PHF20L1: variants seen among roughly 807,000 people sequenced by gnomAD.
PHF20L1 encodes PHD finger protein 20 like 1.
Under a neutral mutation model 125.5 loss-of-function variants are expected in PHF20L1, and 44 were observed. The ratio of observed to expected loss-of-function variants is 0.35; its 90% CI spans 0.28 to 0.45. PHF20L1 has a LOEUF of 0.45. PHF20L1 is among the 20% of genes least tolerant of loss of function. The probability of loss-of-function intolerance (pLI) is 1.00; values close to 1 mark genes in which losing one functional copy is unlikely to be tolerated. For missense variants in PHF20L1, 1,012 were observed against 1,217.2 expected, an observed-to-expected ratio of 0.83 and a Z score of 2.51; for synonymous variants, 380 against 403.1, an observed-to-expected ratio of 0.94 and a Z score of 0.69.
chr8:132,820,183 TG>T (rs1433590896), intron 12 of PHF20L1, among the ~76,000 whole-genome samples: 1 of 151,922 alleles, frequency 6.6e-6, no homozygotes, highest in East Asian at 1.9e-4. Flanking sequence ...TTGATGCCTT[TG>T]TTTTTATTTT....
At chr8:132,813,163 G>A in intron 9 of PHF20L1, 1 of 958,008 alleles carries the variant, frequency 1.0e-6, no homozygotes, top group Non-Finnish European at 1.2e-6. Flanking sequence ...CATATGTGAA[G>A]ATGAACAATA....
chr8:132,825,239 T>C (rs1473149987), intron 13 of PHF20L1, 25 bp from the exon 14 acceptor site: 3 of 1,593,070 alleles, frequency 1.9e-6, no homozygotes, highest in Admixed American at 1.7e-5. Flanking sequence ...TCGTGATTGC[T>C]AAAGTATTCA....
At chr8:132,804,470 G>T (rs1833451962) in intron 7 of PHF20L1, 145 bp from the exon 8 acceptor site, 1 of 540,160 alleles carries the variant, frequency 1.9e-6, no homozygotes. Context: ...AGTCTGGAGG[G>T]ATTTGTGTTT....
chr8:132,803,124 C>T (rs1833282344), intron 6 of PHF20L1, among the ~76,000 whole-genome samples: 1 of 151,614 alleles, frequency 6.6e-6, no homozygotes, highest in Non-Finnish European at 1.5e-5. Flanking sequence ...ATTTGTACCT[C>T]AGAAGAATGG....
At chr8:132,817,579 G>C in intron 12 of PHF20L1, 34 bp downstream of exon 12, 1 of 1,456,580 alleles carries the variant, frequency 6.9e-7, no homozygotes, top group South Asian at 1.2e-5. Flanking sequence ...CCTATAAGTA[G>C]ATAAGTAGCT....
At chr8:132,809,853 C>T (rs561497473) in intron 8 of PHF20L1, 1 of 152,154 alleles carries the variant, frequency 6.6e-6, no homozygotes. Context: ...TGAAATGACA[C>T]AGAAATGAAT....
intron 2 of PHF20L1, among the ~76,000 whole-genome samples, chr8:132,793,416 A>C (rs551415563): frequency 2.6e-5 from 4 of 152,314 alleles, no homozygotes; most frequent in African/African-American, 9.6e-5. Flanking sequence ...CTACATTTCA[A>C]AGTTATATAA....
At chr8:132,837,650 C>T in intron 16 of PHF20L1, 62 bp from the exon 17 acceptor site, 1 of 1,308,052 alleles carries the variant, frequency 7.6e-7, no homozygotes, top group Non-Finnish European at 1.1e-6. Context: ...GGCATGTATC[C>T]TTATTCCTAG....
At chr8:132,799,246 T>A (rs1443566524) in intron 6 of PHF20L1, 74 bp downstream of exon 6, 1 of 800,004 alleles carries the variant, frequency 1.2e-6, no homozygotes, top group African/African-American at 1.8e-5. Context: ...TTAAAAATTT[T>A]TAATATAAAA....
intron 19 of PHF20L1, chr8:132,843,854 A>G: frequency 3.0e-6 from 3 of 984,982 alleles, no homozygotes; most frequent in Non-Finnish European, 3.6e-6. Flanking sequence ...AGTCTAAATT[A>G]ATCAGGAATT....
intron 15 of PHF20L1, among the ~76,000 whole-genome samples, chr8:132,833,860 T>C (rs1837051828): frequency 6.6e-6 from 1 of 152,062 alleles, no homozygotes; most frequent in African/African-American, 2.4e-5. Flanking sequence ...GGCCAGAAAT[T>C]CTCAATGTTA....
Position 132,823,700 on chromosome 8 carries a change from T to TA in PHF20L1, c.1580-302dup, listed in dbSNP as rs150784645. ...TACAGACTTATTCCTGTTTGACAGA[T>TA]AAGGAAACAGAAGCACAGAGGCATT... On this transcript the variant is annotated intron_variant, in intron 12 of 20. Coordinates refer to ENST00000395386, the MANE Select transcript of PHF20L1 (RefSeq NM_016018.5). Among the ~76,000 whole-genome samples the TA allele has an allele frequency of 8.1e-3, 1,234 of 152,022 alleles. 19 individuals are homozygous for TA. The highest frequency in any genetic ancestry group is 0.014 in the Non-Finnish European group (967 of 67,894).
chr8:132,810,049 C>T (rs1453534690), intron 8 of PHF20L1: 5 of 144,894 alleles, frequency 3.5e-5, no homozygotes, highest in Non-Finnish European at 3.0e-5. Flanking sequence ...AAAATACTGT[C>T]TTTTTTTTTT....
chr8:132,818,111 G>A (rs574287749), intron 12 of PHF20L1: 2 of 152,008 alleles, frequency 1.3e-5, no homozygotes, highest in East Asian at 3.9e-4. Context: ...TAGTTCGAAA[G>A]CATTTGGATG....
chr8:132,804,759 T>C lies in PHF20L1; in HGVS notation c.847+19T>C. ...ATTACTGGTAAACTACAATGATTTT[T>C]TTTTTGAGGGGGGGAAATGGAAGGT... On this transcript the variant is annotated intron_variant, in intron 8 of 20. Transcript: ENST00000395386. 6.3e-7 allele frequency: 1 copy of C among 1,575,388 alleles called. No homozygotes were observed. The highest frequency in any genetic ancestry group is 1.2e-5 in the South Asian group (1 of 84,732).
intron 14 of PHF20L1, among the ~76,000 whole-genome samples, chr8:132,830,380 ATAGCT>A (rs907816008): frequency 1.2e-4 from 18 of 152,064 alleles, no homozygotes; most frequent in African/African-American, 4.3e-4. Flanking sequence ...ACTTTTCCAC[ATAGCT>A]TAGCTTATTT....
chr8:132,813,045 A>C, intron 9 of PHF20L1: 9 of 956,820 alleles, frequency 9.4e-6, no homozygotes, highest in Non-Finnish European at 1.1e-5. Flanking sequence ...AACAATGTTA[A>C]TTTTTCCTTG....
chr8:132,836,330 A>G (rs1424852569), intron 15 of PHF20L1: 4 of 444,670 alleles, frequency 9.0e-6, no homozygotes, highest in Non-Finnish European at 1.6e-5. Flanking sequence ...AGTGTATACT[A>G]TAAGATATAA....
Position 132,832,412 on chromosome 8 carries a change from A to G in PHF20L1, c.1909+13A>G. On this transcript the variant is annotated intron_variant, in intron 15 of 20. Coordinates refer to ENST00000395386, the MANE Select transcript of PHF20L1 (RefSeq NM_016018.5). ...CTTAGTGGTGAAAGTATGTGTAACC[A>G]TGTGATGGTTAAAACAAGACTTACA... The G allele has an allele frequency of 6.3e-7, 1 of 1,589,498 alleles. No homozygotes were observed. The highest frequency in any genetic ancestry group is 1.7e-5 in the Admixed American group (1 of 59,500).
Sources: gnomAD v4.1 joint callset for allele counts (sites outside exome capture counted in the v4.1 genomes callset) on GRCh38, gnomAD v4.1.1 for gene constraint, MANE v1.5 for transcripts, NCBI Gene and HGNC (gene_info 2026-07-23, HGNC 2026-07-21) for gene names.